Variants in KCNT2 observed in about 807,000 individuals in gnomAD.
The protein encoded by KCNT2 is potassium channel subfamily T member 2.
Under a neutral mutation model 153.8 loss-of-function variants are expected in KCNT2, and 67 were observed. That is an observed-to-expected ratio of 0.44 (90% CI 0.36 to 0.53). The LOEUF (loss-of-function observed/expected upper bound fraction) is 0.53, where lower values mean the gene tolerates loss of function less well. Among genes scored for constraint, KCNT2 ranks in the 20% least tolerant of loss-of-function variants. KCNT2 has a pLI of 0.00. For synonymous variants in KCNT2, 500 were observed against 458.8 expected, an observed-to-expected ratio of 1.09 and a Z score of -1.15; for missense variants, 975 against 1,354.8, an observed-to-expected ratio of 0.72 and a Z score of 4.40.
intron 1 of KCNT2, among the ~76,000 whole-genome samples, chr1:196,526,711 A>G (rs1030567713): frequency 6.6e-6 from 1 of 152,090 alleles, no homozygotes; most frequent in Non-Finnish European, 1.5e-5. Flanking sequence ...TCGGCCTCCT[A>G]AAGTGCTGGG....
chr1:196,444,241 T>C (rs1572474614), intron 8 of KCNT2, among the ~76,000 whole-genome samples: 1 of 151,434 alleles, frequency 6.6e-6, no homozygotes, highest in African/African-American at 2.4e-5. Context: ...CTGACTTTAA[T>C]ATTAGAAAGA....
chr1:196,396,734 A>G (rs1013430357), intron 13 of KCNT2, among the ~76,000 whole-genome samples: 2 of 151,608 alleles, frequency 1.3e-5, no homozygotes, highest in Admixed American at 6.6e-5. Flanking sequence ...ATTGAGATAA[A>G]TGGTTGGGAT....
chr1:196,435,682 G>T (rs879736047), intron 8 of KCNT2, among the ~76,000 whole-genome samples: 1 of 151,598 alleles, frequency 6.6e-6, no homozygotes, highest in Non-Finnish European at 1.5e-5. Context: ...CTAATACAAA[G>T]TTCAGTCAAT....
At chr1:196,554,193 G>A (rs1306887906) in intron 1 of KCNT2, among the ~76,000 whole-genome samples, 2 of 150,446 alleles carry the variant, frequency 1.3e-5, no homozygotes, top group African/African-American at 4.9e-5. Flanking sequence ...AATTTGAAAT[G>A]AACAATACAA....
chr1:196,451,215 TTC>T (rs1676134655), intron 8 of KCNT2, among the ~76,000 whole-genome samples: 1 of 106,832 alleles, frequency 9.4e-6, no homozygotes, highest in Non-Finnish European at 1.8e-5. Flanking sequence ...TAATCCCTCT[TTC>T]TTTTTTTTTT....
chr1:196,282,229 C>T, intron 24 of KCNT2, 44 bp downstream of exon 24: 1 of 1,060,686 alleles, frequency 9.4e-7, no homozygotes, highest in Non-Finnish European at 1.4e-6. Context: ...GATTTCAGAA[C>T]CTTCTATCAC....
intron 5 of KCNT2, among the ~76,000 whole-genome samples, chr1:196,476,566 C>G (rs1678548241): frequency 6.6e-6 from 1 of 151,968 alleles, no homozygotes; most frequent in African/African-American, 2.4e-5. Flanking sequence ...ATGTGTGGCT[C>G]CCATGTGAAA....
intron 14 of KCNT2, among the ~76,000 whole-genome samples, chr1:196,345,653 A>G (rs1310525172): frequency 1.3e-5 from 2 of 152,150 alleles, no homozygotes; most frequent in Non-Finnish European, 2.9e-5. Context: ...CAGATTGAAG[A>G]AGAGACAATG....
At chr1:196,243,670 G>A (rs1051828082) in intron 26 of KCNT2, among the ~76,000 whole-genome samples, 1 of 152,212 alleles carries the variant, frequency 6.6e-6, no homozygotes, top group Admixed American at 6.5e-5. Context: ...GAGAAGAACT[G>A]CCTATTCCAG....
At chr1:196,344,191 TC>T (rs1392407343) in intron 14 of KCNT2, among the ~76,000 whole-genome samples, 1 of 152,166 alleles carries the variant, frequency 6.6e-6, no homozygotes, top group Non-Finnish European at 1.5e-5. Context: ...CACAAAGAAA[TC>T]ACTTGGGAGA....
intron 1 of KCNT2, among the ~76,000 whole-genome samples, chr1:196,539,023 G>A (rs915277906): frequency 4.0e-5 from 6 of 151,708 alleles, no homozygotes; most frequent in Admixed American, 3.3e-4. Context: ...TTTATATTTT[G>A]TCTAAACAAT....
chr1:196,377,768 T>C (rs1043424867), intron 13 of KCNT2, among the ~76,000 whole-genome samples: 5 of 152,076 alleles, frequency 3.3e-5, no homozygotes, highest in African/African-American at 1.2e-4. Flanking sequence ...GTGAACTGTA[T>C]CCTAAATAGC....
chr1:196,260,323 A>T (rs1656890738), intron 25 of KCNT2, among the ~76,000 whole-genome samples: 1 of 151,850 alleles, frequency 6.6e-6, no homozygotes, highest in Admixed American at 6.6e-5. Flanking sequence ...ATAGGGATTC[A>T]CTTCTTTTCC....
chr1:196,444,504 T>A (rs1675520080), intron 8 of KCNT2, among the ~76,000 whole-genome samples: 1 of 151,284 alleles, frequency 6.6e-6, no homozygotes, highest in South Asian at 2.1e-4. Context: ...ATAGGAAAAG[T>A]TTCAACATCG....
chr1:196,567,257 ACT>A (rs1163236452), intron 1 of KCNT2, among the ~76,000 whole-genome samples: 1 of 151,902 alleles, frequency 6.6e-6, no homozygotes, highest in Non-Finnish European at 1.5e-5. Context: ...CTTGAACACA[ACT>A]CTCTTTCCTA....
Position 196,340,473 on chromosome 1 carries a change from A to G in KCNT2, c.1651T>C (p.Phe551Leu), listed in dbSNP as rs780907663. 4 of 1,611,772 alleles carry G rather than the reference A, an allele frequency of 2.5e-6. No homozygotes were observed. In the South Asian group the frequency reaches 4.4e-5, roughly 18 times the overall value. Residue 551 changes from phenylalanine (F) to leucine (L), a missense_variant, in exon 16 of 28, where the codon TTT (phenylalanine) becomes CTT (leucine). By Grantham distance (22) the Phe-to-Leu change is conservative. Transcript: ENST00000294725. ...RYIMNSTDIC[F>L]YINITKEENS... is the part of the protein sequence containing the mutation. ...TCTTCTTTGGTAATATTAATATAAA[A>G]GCATATGTCTGTAGAATTCATAATG...
At chr1:196,438,977 T>C (rs1349125964) in intron 8 of KCNT2, among the ~76,000 whole-genome samples, 2 of 151,946 alleles carry the variant, frequency 1.3e-5, no homozygotes, top group African/African-American at 2.4e-5. Context: ...TTAAGGATTT[T>C]ATATTTTGTG....
intron 8 of KCNT2, among the ~76,000 whole-genome samples, chr1:196,459,907 A>T (rs1233442551): frequency 6.6e-6 from 1 of 151,822 alleles, no homozygotes; most frequent in Non-Finnish European, 1.5e-5. Context: ...CAAATCAGGG[A>T]AACTGATTTG....
At chr1:196,286,697 G>A (rs1376127895) in intron 22 of KCNT2, among the ~76,000 whole-genome samples, 1 of 151,510 alleles carries the variant, frequency 6.6e-6, no homozygotes, top group Non-Finnish European at 1.5e-5. Context: ...CTTACGAGTT[G>A]GGGGGTGATA....
Sources: allele counts gnomAD v4.1 joint callset (sites outside exome capture counted in the v4.1 genomes callset), GRCh38; gene constraint gnomAD v4.1.1; transcripts MANE v1.5; gene names NCBI Gene and HGNC (gene_info 2026-07-23, HGNC 2026-07-21).